Variants in RASGRF1 observed in about 807,000 individuals in gnomAD.
RASGRF1 encodes Ras protein specific guanine nucleotide releasing factor 1.
A neutral mutation model predicts 138.7 loss-of-function variants in RASGRF1; 40 were observed. That is an observed-to-expected ratio of 0.29 (90% confidence interval 0.22 to 0.38). The LOEUF (loss-of-function observed/expected upper bound fraction) is 0.38, where lower values mean the gene tolerates loss of function less well. Among genes scored for constraint, RASGRF1 ranks in the 10% least tolerant of loss-of-function variants. RASGRF1 has a pLI of 1.00. For synonymous variants in RASGRF1, 614 were observed against 663.2 expected, an observed-to-expected ratio of 0.93 and a Z score of 1.14; for missense variants, 1,108 against 1,650.4, an observed-to-expected ratio of 0.67 and a Z score of 5.69.
intron 24 of RASGRF1, among the ~76,000 whole-genome samples, chr15:78,974,909 AGTG>A (rs982734062): frequency 3.9e-5 from 6 of 152,300 alleles, no homozygotes; most frequent in Admixed American, 1.3e-4. Context: ...TTTGGGAAAA[AGTG>A]AATTAATTTA....
chr15:78,990,907 G>A (rs753704468), intron 21 of RASGRF1, among the ~76,000 whole-genome samples: 10 of 152,148 alleles, frequency 6.6e-5, no homozygotes, highest in Admixed American at 1.3e-4. Flanking sequence ...CCAAAGTGCC[G>A]ACCCTCTCTA....
chr15:79,012,402 A>T (rs146824812), intron 13 of RASGRF1: 2 of 956,926 alleles, frequency 2.1e-6, no homozygotes, highest in Non-Finnish European at 3.3e-6. Context: ...TCCATTTTAC[A>T]GCATGCACTA....
chr15:79,084,511 C>G (rs963285728), intron 1 of RASGRF1, among the ~76,000 whole-genome samples: 1 of 152,234 alleles, frequency 6.6e-6, no homozygotes, highest in African/African-American at 2.4e-5. Context: ...GCAGCCACAT[C>G]ACTTCATTCC....
At chr15:79,004,215 G>T in intron 14 of RASGRF1, 40 bp from the exon 15 acceptor site, 1 of 1,518,326 alleles carries the variant, frequency 6.6e-7, no homozygotes, top group East Asian at 2.3e-5. Context: ...GTTAGCGTAG[G>T]CCTGCCTGCC....
At chr15:79,067,559 C>G (rs944127657) in intron 1 of RASGRF1, among the ~76,000 whole-genome samples, 1 of 152,190 alleles carries the variant, frequency 6.6e-6, no homozygotes, top group Admixed American at 6.5e-5. Context: ...ATAAGTGCCT[C>G]GAATGACTTG....
chr15:79,064,404 G>A lies in RASGRF1; in HGVS notation c.383+16C>T. ...CTGTGGAGTAGGGGCTTCCTGCCCT[G>A]GGCAAGGAGACATACCTGGCATGTG... is the stretch of plus-strand genomic sequence containing the variant. On this transcript the variant is annotated intron_variant, in intron 2 of 26. Coordinates refer to ENST00000558480, the MANE Select transcript of RASGRF1 (RefSeq NM_001145648.3). 6.2e-7 allele frequency: 1 copy of A among 1,609,826 alleles called. No individual in the cohort carries two copies.
intron 3 of RASGRF1, 53 bp from the exon 4 acceptor site, chr15:79,049,641 C>A: frequency 6.6e-7 from 1 of 1,520,190 alleles, no homozygotes; most frequent in East Asian, 2.3e-5. Flanking sequence ...ACAGAGGCCC[C>A]AGGTCTTTGG....
chr15:79,071,826 A>T (rs2057760446), intron 1 of RASGRF1, among the ~76,000 whole-genome samples: 1 of 152,036 alleles, frequency 6.6e-6, no homozygotes, highest in South Asian at 2.1e-4. Context: ...GTGGCACCCC[A>T]TATTAGGGCC....
intron 6 of RASGRF1, among the ~76,000 whole-genome samples, chr15:79,033,007 C>T (rs1378512291): frequency 6.6e-6 from 1 of 152,218 alleles, no homozygotes; most frequent in Non-Finnish European, 1.5e-5. Flanking sequence ...GGATTTCCTA[C>T]CATATGACAC....
chr15:79,017,689 C>T lies in RASGRF1; in HGVS notation c.1743+81G>A, dbSNP rs953807919. On this transcript the variant is annotated intron_variant, in intron 12 of 26. Transcript: ENST00000558480. The stretch of plus-strand genomic sequence containing the variant: ...TGCAGCTACTCCACCACCCCCACCC[C>T]CTACCTGCCACCAGCCAAATCCCTG... 4.1e-6 allele frequency: 6 copies of T among 1,465,800 alleles called. No individual in the cohort carries two copies. In the East Asian group the frequency reaches 9.4e-5, roughly 23 times the overall value. 90.8% of individuals were successfully genotyped at this position (1,465,800 alleles called of 1,614,324 possible). A position where few individuals can be genotyped will look rare whatever the true frequency, so the allele number is the denominator to read the frequency against.
At chr15:79,028,875 G>C (rs1300485728) in intron 8 of RASGRF1, among the ~76,000 whole-genome samples, 3 of 152,190 alleles carry the variant, frequency 2.0e-5, no homozygotes, top group Non-Finnish European at 4.4e-5. Context: ...GCCTCTTCCG[G>C]AGCTGGATCT....
chr15:79,040,208 C>T (rs753353803), intron 5 of RASGRF1, among the ~76,000 whole-genome samples: 44 of 152,186 alleles, frequency 2.9e-4, no homozygotes, highest in Admixed American at 5.9e-4. Context: ...GCCTCTCAGA[C>T]GGAACCTGGG....
chr15:79,006,499 G>A lies in RASGRF1; in HGVS notation c.1827-65C>T. 1 of 1,543,978 alleles carries A rather than the reference G, an allele frequency of 6.5e-7. No individual in the cohort carries two copies. The highest frequency in any genetic ancestry group is 1.4e-5 in the African/African-American group (1 of 74,040). On this transcript the variant is annotated intron_variant, in intron 13 of 26. Coordinates refer to ENST00000558480, the MANE Select transcript of RASGRF1 (RefSeq NM_001145648.3). The surrounding 1 kb of genome is among the most constrained non-coding windows in gnomAD (Gnocchi z 4.0). ...AAGGCATCTGAATGGCACCCACCAG[G>A]CCTGCTCATCACTGCTTCCCCCACA...
intron 15 of RASGRF1, among the ~76,000 whole-genome samples, chr15:79,002,578 T>C (rs1161833202): frequency 6.6e-6 from 1 of 152,178 alleles, no homozygotes; most frequent in African/African-American, 2.4e-5. Flanking sequence ...CACACACAGT[T>C]TGGCACATAA....
intron 10 of RASGRF1, among the ~76,000 whole-genome samples, chr15:79,024,547 A>G (rs1056427452): frequency 1.3e-5 from 2 of 152,184 alleles, no homozygotes; most frequent in Admixed American, 6.5e-5. Flanking sequence ...CCCATGTGTC[A>G]TGGGAGGGAC....
chr15:79,023,228 G>A (rs921284581), intron 10 of RASGRF1, among the ~76,000 whole-genome samples: 4 of 151,796 alleles, frequency 2.6e-5, no homozygotes, highest in African/African-American at 9.7e-5. Context: ...GTGTGTTCAG[G>A]CTTCCAAGGT....
In RASGRF1 at chr15:79,090,779, C is replaced by T. The variant is rs2058046479; in HGVS notation, c.-281G>A. 8.6e-6 allele frequency: 4 copies of T among 466,612 alleles called. No individual in the cohort carries two copies. Among genetic ancestry groups the T allele is most frequent in the Non-Finnish European group, 1.5e-5 (4 of 264,626 alleles). The allele number at this position is 466,612 out of a possible 1,614,324, so 28.9% of individuals were successfully genotyped here. A position where few individuals can be genotyped will look rare whatever the true frequency, so the allele number is the denominator to read the frequency against. On this transcript the variant is annotated 5_prime_UTR_variant, in exon 1 of 27. Transcript: ENST00000558480. Reference sequence around the variant, plus strand: ...CTCCGGTGCCGGGCAAACTGAGGGACTGGCGATCTGCGCGCTGGCGAGGGG... The same window carrying T: ...CTCCGGTGCCGGGCAAACTGAGGGATTGGCGATCTGCGCGCTGGCGAGGGG...
Position 79,015,351 on chromosome 15 carries a change from T to A in RASGRF1, c.1802A>T (p.Lys601Met), listed in dbSNP as rs776477223. 1 of 1,613,950 alleles carries A rather than the reference T, an allele frequency of 6.2e-7. No individual in the cohort carries two copies. The highest frequency in any genetic ancestry group is 2.2e-5 in the East Asian group (1 of 44,872). The change falls in exon 13 of 27, where the codon AAG (lysine) becomes ATG (methionine). Residue 601 changes from lysine (K) to methionine (M), a missense_variant. This residue lies in a region of RASGRF1 where 686 missense variants were observed against 976.7 expected (regional missense o/e 0.70). Coordinates refer to ENST00000558480, the MANE Select transcript of RASGRF1 (RefSeq NM_001145648.3). ...LMMNAFEENS[K>M]VTVPQMIKSD... ...CTTGATCATCTGCGGCACAGTGACC[T>A]TGGAATTTTCTTCAAATGCGTTCAT...
chr15:79,056,138 A>T (rs751898848), intron 3 of RASGRF1, among the ~76,000 whole-genome samples: 1 of 152,196 alleles, frequency 6.6e-6, no homozygotes, highest in Non-Finnish European at 1.5e-5. Flanking sequence ...TGAAAAGGGC[A>T]TTCCAAACAG....
Sources: allele counts gnomAD v4.1 joint callset (sites outside exome capture counted in the v4.1 genomes callset), GRCh38; gene constraint gnomAD v4.1.1; regional missense constraint gnomAD v4.1.1; non-coding constraint Gnocchi (gnomAD v3.1); transcripts MANE v1.5; gene names NCBI Gene and HGNC (gene_info 2026-07-23, HGNC 2026-07-21).